TMEM132D: variants seen among roughly 807,000 people sequenced by gnomAD.
The protein encoded by TMEM132D is mature OL transmembrane protein.
In TMEM132D, 21 loss-of-function variants were observed where a neutral mutation model predicts 62.3. The observed-to-expected ratio is 0.34, with a 90% confidence interval of 0.24 to 0.49. TMEM132D has a LOEUF of 0.49. TMEM132D is among the 20% of genes least tolerant of loss of function. TMEM132D has a pLI of 0.99. For synonymous variants in TMEM132D, 621 were observed against 575.6 expected, an observed-to-expected ratio of 1.08 and a Z score of -1.13; for missense variants, 1,346 against 1,402.8, an observed-to-expected ratio of 0.96 and a Z score of 0.65.
At chr12:129,887,132 A>G (rs1221843196) in intron 1 of TMEM132D, among the ~76,000 whole-genome samples, 1 of 152,190 alleles carries the variant, frequency 6.6e-6, no homozygotes, top group Non-Finnish European at 1.5e-5. Context: ...TCTCCACTCT[A>G]AGAAACACAT....
chr12:129,085,250 A>G lies in TMEM132D; in HGVS notation c.1444-548T>C, dbSNP rs183748245. ...TTCCCCTTCTACTGTCTTCACTCCC[A>G]TGCGGGTGTATCCTGAGAACGTCCT... is the stretch of plus-strand genomic sequence containing the variant. On this transcript the variant is annotated intron_variant, in intron 5 of 8. Transcript: ENST00000422113. 361 of 155,742 alleles carry G rather than the reference A, an allele frequency of 2.3e-3. 3 individuals are homozygous for G. The highest frequency in any genetic ancestry group is 4.2e-3 in the Non-Finnish European group (294 of 70,606). 9.6% of individuals were successfully genotyped at this position (155,742 alleles called of 1,614,324 possible).
rs139296027 is a variant in TMEM132D at position 129,634,557 on chromosome 12, A to C, written c.968+65253T>G. On this transcript the variant is annotated intron_variant, in intron 2 of 8. Transcript: ENST00000422113. ...TTCATTGAATTATTTGTAGAGTCTT[A>C]ATTGTATCTAAATCTTAGAAATAAA... 1.8e-3 allele frequency among the ~76,000 whole-genome samples: 278 copies of C among 151,784 alleles called. 2 individuals carry two copies. The highest frequency in any genetic ancestry group is 6.2e-3 in the African/African-American group (258 of 41,450).
rs567435433 is a variant in TMEM132D, at chr12:129,336,360, G to A, written c.1299+1274C>T. Among the ~76,000 whole-genome samples, 7 of 152,184 alleles carry A rather than the reference G, an allele frequency of 4.6e-5. No individual in the cohort carries two copies. The South Asian group carries it at 6.2e-4, about 14-fold the overall frequency. On this transcript the variant is annotated intron_variant, in intron 4 of 8. Transcript: ENST00000422113. Reference sequence around the variant, plus strand: ...TGGGAGGCTAAGGTGGGTGGATCACGAGGTCAAGAGTTCAAGACAAGCCTG... The same window carrying A: ...TGGGAGGCTAAGGTGGGTGGATCACAAGGTCAAGAGTTCAAGACAAGCCTG...
chr12:129,886,235 T>C (rs1566019615), intron 1 of TMEM132D, among the ~76,000 whole-genome samples: 1 of 152,196 alleles, frequency 6.6e-6, no homozygotes, highest in South Asian at 2.1e-4. Flanking sequence ...TTAAGCTCCT[T>C]GATTAAAGGA....
chr12:129,317,852 T>G (rs1868535541), intron 4 of TMEM132D, among the ~76,000 whole-genome samples: 1 of 152,184 alleles, frequency 6.6e-6, no homozygotes, highest in Non-Finnish European at 1.5e-5. Context: ...TATTATTTTT[T>G]CTTTGTCTTT....
At chr12:129,468,066 T>A (rs1315327258) in intron 3 of TMEM132D, among the ~76,000 whole-genome samples, 7 of 152,158 alleles carry the variant, frequency 4.6e-5, no homozygotes, top group Non-Finnish European at 1.0e-4. Flanking sequence ...ACTCCTGAAA[T>A]ATATTTTTCT....
intron 2 of TMEM132D, among the ~76,000 whole-genome samples, chr12:129,573,099 C>T (rs1454102957): frequency 6.6e-6 from 1 of 152,130 alleles, no homozygotes; most frequent in South Asian, 2.1e-4. Context: ...CAAAGCAGCT[C>T]TGTGTCGTGG....
At chr12:129,594,333 T>C (rs190145398) in intron 2 of TMEM132D, among the ~76,000 whole-genome samples, 98 of 152,294 alleles carry the variant, frequency 6.4e-4, no homozygotes, top group Admixed American at 4.3e-3. Context: ...ATCACATAGA[T>C]GGCCAGCTAC....
At chr12:129,400,266 T>C (rs1464396) in intron 3 of TMEM132D, among the ~76,000 whole-genome samples, 147,658 of 152,230 alleles carry the variant, frequency 0.97, 71,788 homozygotes, top group Middle Eastern at 1. Flanking sequence ...GCAGACACAT[T>C]AGTCAAGAGC....
chr12:129,460,189 G>T (rs573799744), intron 3 of TMEM132D, among the ~76,000 whole-genome samples: 1 of 152,126 alleles, frequency 6.6e-6, no homozygotes, highest in African/African-American at 2.4e-5. Context: ...GACCCCAAAT[G>T]TTAACTTTGA....
chr12:129,390,189 A>C (rs1238500614), intron 3 of TMEM132D, among the ~76,000 whole-genome samples: 1 of 152,192 alleles, frequency 6.6e-6, no homozygotes, highest in Non-Finnish European at 1.5e-5. Context: ...TGGCTGACTG[A>C]CCTTGGCCCA....
At chr12:129,387,425 CAACACTAACAGCAATACT>C (rs1412068356) in intron 3 of TMEM132D, among the ~76,000 whole-genome samples, 2 of 150,358 alleles carry the variant, frequency 1.3e-5, no homozygotes, top group Non-Finnish European at 3.0e-5. Context: ...ACACTAACGC[CAACACTAACAGCAATACT>C]AACACTAACA....
At chr12:129,155,932 A>G (rs1268360695) in intron 5 of TMEM132D, among the ~76,000 whole-genome samples, 1 of 152,040 alleles carries the variant, frequency 6.6e-6, no homozygotes, top group Non-Finnish European at 1.5e-5. Flanking sequence ...AATATAATGA[A>G]TCCACTCCCA....
intron 3 of TMEM132D, among the ~76,000 whole-genome samples, chr12:129,451,425 G>A (rs577342260): frequency 2.1e-4 from 32 of 152,132 alleles, no homozygotes; most frequent in Non-Finnish European, 4.4e-4. Flanking sequence ...TCTGGTTCCT[G>A]CAGAATGAGC....
At chr12:129,538,682 C>A (rs1031029238) in intron 2 of TMEM132D, among the ~76,000 whole-genome samples, 1 of 152,186 alleles carries the variant, frequency 6.6e-6, no homozygotes, top group Non-Finnish European at 1.5e-5. Flanking sequence ...TATGGCAATG[C>A]GGTCTCTCTC....
intron 2 of TMEM132D, chr12:129,683,148 G>T (rs940307323): frequency 6.6e-6 from 1 of 150,914 alleles, no homozygotes; most frequent in Admixed American, 6.6e-5. Context: ...AAAAAAAAAA[G>T]GAATCTCGCA....
intron 4 of TMEM132D, among the ~76,000 whole-genome samples, chr12:129,236,615 T>A (rs1171044637): frequency 6.6e-6 from 1 of 152,290 alleles, no homozygotes; most frequent in East Asian, 1.9e-4. Context: ...TTATTAGTTC[T>A]AGCAGTTTTT....
intron 5 of TMEM132D, among the ~76,000 whole-genome samples, chr12:129,106,927 T>C (rs1181517633): frequency 6.6e-6 from 1 of 152,206 alleles, no homozygotes; most frequent in African/African-American, 2.4e-5. Flanking sequence ...TGTCTTTGCC[T>C]GAACAATAGA....
chr12:129,887,576 C>A (rs1406285515), intron 1 of TMEM132D, among the ~76,000 whole-genome samples: 2 of 152,092 alleles, frequency 1.3e-5, no homozygotes, highest in South Asian at 4.2e-4. Flanking sequence ...TTTTGATTCA[C>A]GTGGCACCAC....
Sources: allele counts gnomAD v4.1 joint callset (sites outside exome capture counted in the v4.1 genomes callset), GRCh38; gene constraint gnomAD v4.1.1; transcripts MANE v1.5; gene names NCBI Gene and HGNC (gene_info 2026-07-23, HGNC 2026-07-21).